NCAPH: variants seen among roughly 807,000 people sequenced by gnomAD.
NCAPH encodes the protein non-SMC condensin I complex subunit H, also known as condensin complex subunit 2.
A neutral mutation model predicts 85.5 loss-of-function variants in NCAPH; 38 were observed. That is an observed-to-expected ratio of 0.44 (90% CI 0.34 to 0.58). The LOEUF is 0.58. Among genes scored for constraint, NCAPH ranks in the 20% least tolerant of loss-of-function variants. NCAPH has a pLI of 0.01. For synonymous variants in NCAPH, 301 were observed against 335.1 expected (o/e 0.90, Z 1.11); for missense variants, 789 against 916.6 (o/e 0.86, Z 1.80).
At chr2:96,359,575 A>G (rs745412175) in intron 10 of NCAPH, 6 of 230,500 alleles carry the variant, frequency 2.6e-5, no homozygotes, top group African/African-American at 6.9e-5. Context: ...TGCTGACCTT[A>G]TGTGTTTTGC....
At chr2:96,363,358 A>G (rs1462713758) in intron 12 of NCAPH, among the ~76,000 whole-genome samples, 1 of 152,200 alleles carries the variant, frequency 6.6e-6, no homozygotes, top group East Asian at 1.9e-4. Flanking sequence ...GAGTGTGCCC[A>G]GAGGAGAGTA....
At chr2:96,336,654 T>G (rs1293228471) in intron 1 of NCAPH, among the ~76,000 whole-genome samples, 1 of 152,184 alleles carries the variant, frequency 6.6e-6, no homozygotes, top group Non-Finnish European at 1.5e-5. Flanking sequence ...CGGGAGAGAC[T>G]CAGGTGAAGG....
At chr2:96,349,387 CT>C (rs987765046) in intron 6 of NCAPH, among the ~76,000 whole-genome samples, 119 of 143,718 alleles carry the variant, frequency 8.3e-4, no homozygotes, top group Admixed American at 8.4e-4. Context: ...ATTTTCTTTT[CT>C]TTTTTTTTTT....
At chr2:96,345,516 T>C (rs936076559) in intron 6 of NCAPH, among the ~76,000 whole-genome samples, 5 of 152,208 alleles carry the variant, frequency 3.3e-5, no homozygotes, top group African/African-American at 1.2e-4. Flanking sequence ...ACATGCAACC[T>C]GCAGAAAGGA....
chr2:96,357,906 G>A (rs1200052392), intron 9 of NCAPH, among the ~76,000 whole-genome samples: 2 of 152,284 alleles, frequency 1.3e-5, no homozygotes, highest in East Asian at 1.9e-4. Flanking sequence ...CCTTCAGAGG[G>A]CAGTACAGCA....
At chr2:96,359,582 T>C (rs1364686488) in intron 10 of NCAPH, 1 of 218,692 alleles carries the variant, frequency 4.6e-6, no homozygotes, top group Non-Finnish European at 9.0e-6. Flanking sequence ...CTTATGTGTT[T>C]TGCATTGTCT....
chr2:96,372,983 C>A (rs983551966), intron 17 of NCAPH, among the ~76,000 whole-genome samples: 1 of 152,132 alleles, frequency 6.6e-6, no homozygotes, highest in Non-Finnish European at 1.5e-5. Flanking sequence ...CTCCTCATGA[C>A]CTCCCATCTG....
At chr2:96,365,668 G>A (rs955907289) in intron 13 of NCAPH, among the ~76,000 whole-genome samples, 1 of 152,142 alleles carries the variant, frequency 6.6e-6, no homozygotes, top group Non-Finnish European at 1.5e-5. Flanking sequence ...CGCTCAAAAG[G>A]TCTTAGGTTG....
rs191730537 is a variant in NCAPH, at chr2:96,373,151, T to C, written c.2167-141T>C. ...GGAATCAGGTTTTTCATGCAAATTATACTTGCTATGAAACAGTTTTTCTTA... is the reference window on the plus strand; with the variant it reads ...GGAATCAGGTTTTTCATGCAAATTACACTTGCTATGAAACAGTTTTTCTTA... On this transcript the variant is annotated intron_variant, in intron 17 of 17. Transcript: ENST00000240423. 8.8e-4 allele frequency: 617 copies of C among 698,518 alleles called. 16 individuals are homozygous for C. In the Admixed American group the frequency reaches 0.016, roughly 18 times the overall value. 43.3% of individuals were successfully genotyped at this position (698,518 alleles called of 1,614,324 possible).
At chr2:96,336,256 C>T (rs1457334379) in intron 1 of NCAPH, among the ~76,000 whole-genome samples, 2 of 152,208 alleles carry the variant, frequency 1.3e-5, no homozygotes, top group African/African-American at 4.8e-5. Flanking sequence ...AGCATGCATG[C>T]ATTTATTTTT....
intron 1 of NCAPH, 76 bp downstream of exon 1, chr2:96,335,924 G>C: frequency 1.5e-6 from 2 of 1,371,520 alleles, no homozygotes; most frequent in Non-Finnish European, 1.9e-6. Flanking sequence ...GGGCTGGCGG[G>C]CTGGCCTGGG....
At chr2:96,368,393 A>T (rs2064727645) in intron 15 of NCAPH, among the ~76,000 whole-genome samples, 2 of 152,334 alleles carry the variant, frequency 1.3e-5, no homozygotes, top group Admixed American at 6.5e-5. Context: ...ACAGTGGCTC[A>T]TGTCTGTAAT....
chr2:96,356,429 A>G lies in NCAPH; in HGVS notation c.1208+2041A>G, dbSNP rs189068657. ...TTGATAATAACAATATCTGATATTT[A>G]TTGAGCTCCTTATTCTTTGTGCAAG... On this transcript the variant is annotated intron_variant, in intron 9 of 17. Coordinates refer to ENST00000240423, the MANE Select transcript of NCAPH (RefSeq NM_015341.5). Among the ~76,000 whole-genome samples, 268 of 152,354 alleles carry G rather than the reference A, an allele frequency of 1.8e-3. 4 individuals carry two copies. In the Middle Eastern group the frequency reaches 0.034, roughly 19 times the overall value.
chr2:96,344,370 T>G, intron 6 of NCAPH, 141 bp downstream of exon 6: 2 of 904,822 alleles, frequency 2.2e-6, no homozygotes, highest in South Asian at 6.0e-5. Flanking sequence ...ATCTCTGCAT[T>G]ATCATCTTTT....
Position 96,360,585 on chromosome 2 carries a change from T to C in NCAPH, c.1465-3T>C. ...AAAACACTTTTTTTAAAAAAATTAA[T>C]AGGCTGCTACTATTCTGACCAAGTC... is the stretch of plus-strand genomic sequence containing the variant. On this transcript the variant is annotated splice_polypyrimidine_tract_variant and splice_region_variant and intron_variant, in intron 11 of 17. Transcript: ENST00000240423. 1.2e-6 allele frequency: 2 copies of C among 1,612,062 alleles called. No homozygotes were observed. Among genetic ancestry groups the C allele is most frequent in the South Asian group, 1.1e-5 (1 of 90,514 alleles).
intron 1 of NCAPH, 96 bp downstream of exon 1, chr2:96,335,944 A>G: frequency 1.6e-6 from 2 of 1,234,710 alleles, no homozygotes; most frequent in Non-Finnish European, 2.1e-6. Flanking sequence ...GCGGGGAGAG[A>G]GGATATGCTC....
chr2:96,371,506 C>T (rs1248916395), intron 17 of NCAPH, among the ~76,000 whole-genome samples: 1 of 152,184 alleles, frequency 6.6e-6, no homozygotes, highest in African/African-American at 2.4e-5. Flanking sequence ...GACTCTGCGG[C>T]TTCACTGAGG....
chr2:96,367,619 C>T (rs955538314), intron 15 of NCAPH, among the ~76,000 whole-genome samples: 1 of 152,196 alleles, frequency 6.6e-6, no homozygotes, highest in Non-Finnish European at 1.5e-5. Flanking sequence ...TACCACTACA[C>T]TCCAGTCTGG....
intron 17 of NCAPH, among the ~76,000 whole-genome samples, chr2:96,373,076 G>A (rs867102985): frequency 5.3e-5 from 8 of 152,058 alleles, no homozygotes; most frequent in Middle Eastern, 3.2e-3. Flanking sequence ...AGCCAGAGAA[G>A]GCTTGCTTTT....
Sources: allele counts gnomAD v4.1 joint callset (sites outside exome capture counted in the v4.1 genomes callset), GRCh38; gene constraint gnomAD v4.1.1; transcripts MANE v1.5; gene names NCBI Gene and HGNC (gene_info 2026-07-23, HGNC 2026-07-21).